Variants in ZFHX3 observed in about 807,000 individuals in gnomAD.
ZFHX3 encodes zinc finger homeobox 3.
A neutral mutation model predicts 279.1 loss-of-function variants in ZFHX3; 42 were observed. That is an observed-to-expected ratio of 0.15 (90% confidence interval 0.12 to 0.19). The LOEUF is 0.19. ZFHX3 is among the 10% of genes least tolerant of loss of function. The pLI is 1.00. For missense variants in ZFHX3, 4,981 were observed against 4,754.0 expected (o/e 1.05, Z -1.40); for synonymous variants, 2,293 against 1,957.8 (o/e 1.17, Z -4.52).
At chr16:73,142,880 T>G (rs1304184288) in intron 6 of ZFHX3, among the ~76,000 whole-genome samples, 2 of 152,202 alleles carry the variant, frequency 1.3e-5, no homozygotes, top group African/African-American at 4.8e-5. Context: ...GCCCAGTGAT[T>G]GGTCCATATT....
chr16:73,173,535 T>G (rs1210033138), intron 5 of ZFHX3, among the ~76,000 whole-genome samples: 1 of 152,100 alleles, frequency 6.6e-6, no homozygotes, highest in African/African-American at 2.4e-5. Context: ...CTCCACCTCA[T>G]TCTTTTTTCT....
At chr16:72,913,218 G>T (rs1173511512) in intron 3 of ZFHX3, among the ~76,000 whole-genome samples, 1 of 152,204 alleles carries the variant, frequency 6.6e-6, no homozygotes, top group Admixed American at 6.5e-5. Context: ...AATGAGCATT[G>T]CTACAATACT....
Position 72,828,173 on chromosome 16 carries a change from A to T in ZFHX3, c.3529+1606T>A, listed in dbSNP as rs181987557. 2.9e-3 allele frequency among the ~76,000 whole-genome samples: 444 copies of T among 152,332 alleles called. 2 individuals are homozygous for T. Among genetic ancestry groups the T allele is most frequent in the Non-Finnish European group, 4.9e-3 (331 of 68,026 alleles). On this transcript the variant is annotated intron_variant, in intron 5 of 9. Transcript: ENST00000268489. ...GAACAGTCATGCCTGGAAAAGTAAC[A>T]AAGGCCCAACGAATACGGACTCCAG...
At chr16:73,536,151 C>A (rs2019898532) in intron 2 of ZFHX3, among the ~76,000 whole-genome samples, 1 of 152,192 alleles carries the variant, frequency 6.6e-6, no homozygotes, top group Non-Finnish European at 1.5e-5. Context: ...TACACCAGTG[C>A]AGTCAGGCAC....
At chr16:73,260,793 C>G (rs952692143) in intron 4 of ZFHX3, among the ~76,000 whole-genome samples, 1 of 149,926 alleles carries the variant, frequency 6.7e-6, no homozygotes, top group Admixed American at 6.8e-5. Flanking sequence ...AACAATTCTC[C>G]TGCCTCAGCC....
intron 1 of ZFHX3, among the ~76,000 whole-genome samples, chr16:73,818,650 G>A (rs954214330): frequency 6.6e-6 from 1 of 152,192 alleles, no homozygotes; most frequent in Non-Finnish European, 1.5e-5. Context: ...CCCTGCTGAT[G>A]CAATGAAGGA....
At chr16:72,901,822 G>T (rs1005522085) in intron 3 of ZFHX3, among the ~76,000 whole-genome samples, 1 of 152,186 alleles carries the variant, frequency 6.6e-6, no homozygotes, top group Admixed American at 6.5e-5. Flanking sequence ...TTCTGCAAAC[G>T]ATGACACTGC....
intron 3 of ZFHX3, among the ~76,000 whole-genome samples, chr16:73,348,868 C>T (rs929847444): frequency 6.6e-6 from 1 of 152,200 alleles, no homozygotes; most frequent in Admixed American, 6.5e-5. Flanking sequence ...GTCTTATGTG[C>T]CTATGTAGGG....
intron 8 of ZFHX3, among the ~76,000 whole-genome samples, chr16:73,067,074 C>T (rs1965764641): frequency 6.6e-6 from 1 of 152,242 alleles, no homozygotes; most frequent in South Asian, 2.1e-4. Context: ...CCAAGGCAGA[C>T]CAGAAACCGG....
In ZFHX3 at chr16:72,894,966, T is replaced by C. The variant is rs536620086; in HGVS notation, c.3217-5004A>G. 2.6e-5 allele frequency among the ~76,000 whole-genome samples: 4 copies of C among 152,330 alleles called. No individual in the cohort carries two copies. The East Asian group carries it at 7.7e-4, about 29-fold the overall frequency. Reference sequence around the variant, plus strand: ...ACTCTCCTTTGTTGGGTCAGGAGTGTAATTTTAAAAAGAAAACAAAACAAC... The same window carrying C: ...ACTCTCCTTTGTTGGGTCAGGAGTGCAATTTTAAAAAGAAAACAAAACAAC... On this transcript the variant is annotated intron_variant, in intron 3 of 9. Coordinates refer to ENST00000268489, the MANE Select transcript of ZFHX3 (RefSeq NM_006885.4).
At chr16:73,124,517 G>A (rs961127034) in intron 7 of ZFHX3, among the ~76,000 whole-genome samples, 3 of 152,172 alleles carry the variant, frequency 2.0e-5, no homozygotes, top group African/African-American at 2.4e-5. Context: ...TGCGGGCTTT[G>A]GAGCCAGGCA....
chr16:72,913,916 T>C (rs768716265), intron 3 of ZFHX3, among the ~76,000 whole-genome samples: 16 of 152,196 alleles, frequency 1.1e-4, no homozygotes, highest in South Asian at 2.1e-4. Flanking sequence ...TGTGTAGCTA[T>C]AGATATTAGC....
At chr16:73,792,422 G>C (rs1959853149) in intron 1 of ZFHX3, among the ~76,000 whole-genome samples, 3 of 152,158 alleles carry the variant, frequency 2.0e-5, no homozygotes, top group Admixed American at 6.5e-5. Flanking sequence ...CAAGAAAGGA[G>C]CTGGCAATAC....
At chr16:73,649,806 T>C (rs2052653864) in intron 2 of ZFHX3, among the ~76,000 whole-genome samples, 1 of 152,090 alleles carries the variant, frequency 6.6e-6, no homozygotes, top group South Asian at 2.1e-4. Flanking sequence ...GTACTCAACA[T>C]AGCAATAATT....
intron 2 of ZFHX3, among the ~76,000 whole-genome samples, chr16:73,573,256 A>G (rs1459024342): frequency 6.6e-6 from 1 of 151,956 alleles, no homozygotes; most frequent in African/African-American, 2.4e-5. Flanking sequence ...GAAGACCCTC[A>G]CCACCCTCCC....
At chr16:73,641,664 A>G (rs1329685142) in intron 2 of ZFHX3, among the ~76,000 whole-genome samples, 2 of 152,160 alleles carry the variant, frequency 1.3e-5, no homozygotes, top group African/African-American at 4.8e-5. Flanking sequence ...AGATGTATAA[A>G]ATGGACACAA....
intron 1 of ZFHX3, among the ~76,000 whole-genome samples, chr16:73,858,249 G>A (rs1056169352): frequency 6.6e-6 from 1 of 152,160 alleles, no homozygotes; most frequent in African/African-American, 2.4e-5. Context: ...AGTAAACAGT[G>A]ATATTACAAG....
intron 1 of ZFHX3, among the ~76,000 whole-genome samples, chr16:73,884,286 T>G (rs1340347441): frequency 6.6e-6 from 1 of 152,126 alleles, no homozygotes; most frequent in African/African-American, 2.4e-5. Flanking sequence ...TGCTCAGTGT[T>G]TTGGTTAAAA....
At position 73,299,890 on chromosome 16, in the gene ZFHX3, A is replaced by G. The variant is rs528222142; in HGVS notation, c.-1194+18350T>C. On this transcript the variant is annotated intron_variant, in intron 4 of 17. Coordinates refer to the ZFHX3 transcript ENST00000641206. ...CAAAAACAATTAGGGTAGTCTCATG[A>G]TCTCTCTCTTTCTTCTGTGGCAGAA... Among the ~76,000 whole-genome samples the G allele has an allele frequency of 2.6e-5, 4 of 152,310 alleles. No homozygotes were observed. The East Asian group carries it at 5.8e-4, about 22-fold the overall frequency.
Sources: allele counts gnomAD v4.1 joint callset (sites outside exome capture counted in the v4.1 genomes callset), GRCh38; gene constraint gnomAD v4.1.1; transcripts MANE v1.5; gene names NCBI Gene and HGNC (gene_info 2026-07-23, HGNC 2026-07-21).